Variants in ZDHHC21 observed in about 807,000 individuals in gnomAD.
The protein encoded by ZDHHC21 is zDHHC palmitoyltransferase 21.
Under a neutral mutation model 34.6 loss-of-function variants are expected in ZDHHC21, and 15 were observed. The observed-to-expected ratio is 0.43, with a 90% CI of 0.29 to 0.67. ZDHHC21 has a LOEUF of 0.67. Among genes scored for constraint, ZDHHC21 ranks in the 30% least tolerant of loss-of-function variants. The pLI, the probability that ZDHHC21 is intolerant of heterozygous loss-of-function variation, is 0.14. For missense variants in ZDHHC21, 344 were observed against 327.7 expected, an observed-to-expected ratio of 1.05 and a Z score of -0.38; for synonymous variants, 142 against 101.8, an observed-to-expected ratio of 1.40 and a Z score of -2.38.
At chr9:14,668,534 G>A (rs10810208) in intron 5 of ZDHHC21, among the ~76,000 whole-genome samples, 21,614 of 141,492 alleles carry the variant, frequency 0.15, 1,684 homozygotes, top group South Asian at 0.32. Flanking sequence ...AAAAGAGCCC[G>A]CATTGCCAAG....
chr9:14,648,833 T>C (rs543211392), intron 7 of ZDHHC21, among the ~76,000 whole-genome samples: 5 of 152,234 alleles, frequency 3.3e-5, no homozygotes, highest in Non-Finnish European at 5.9e-5. Flanking sequence ...ATTTTATATA[T>C]AAAATGACAA....
chr9:14,676,083 G>A (rs1836318979), intron 3 of ZDHHC21, among the ~76,000 whole-genome samples: 1 of 151,998 alleles, frequency 6.6e-6, no homozygotes, highest in South Asian at 2.1e-4. Context: ...TGAAGCAGGG[G>A]ATTAACATGA....
chr9:14,660,492 G>A lies in ZDHHC21; in HGVS notation c.366-1605C>T, dbSNP rs553746735. Among the ~76,000 whole-genome samples the A allele has an allele frequency of 3.3e-5, 5 of 151,086 alleles. No individual in the cohort carries two copies. The South Asian group carries it at 6.4e-4, about 19-fold the overall frequency. ...TAGGCAGTTAAGTAGTGCAATTTCT[G>A]AAAACATCAAAAATTTTCCTTGCTT... On this transcript the variant is annotated intron_variant, in intron 6 of 9. Coordinates refer to ENST00000380916, the MANE Select transcript of ZDHHC21 (RefSeq NM_178566.6).
chr9:14,648,943 T>TC (rs1441138001), intron 7 of ZDHHC21, among the ~76,000 whole-genome samples: 10 of 151,806 alleles, frequency 6.6e-5, no homozygotes. Flanking sequence ...GTAAAAATTT[T>TC]TTTTTTCTTT....
In ZDHHC21 at chr9:14,687,157, T is replaced by C. The variant is rs755249662; in HGVS notation, c.-176+3180A>G. On this transcript the variant is annotated intron_variant, in intron 2 of 9. Transcript: ENST00000380916. ...GTGGCTTCCTAATGTTTCAGCAAAA[T>C]AGTAGTTTCTGTCAGTAACGTTAGT... Among the ~76,000 whole-genome samples, 14 of 150,642 alleles carry C rather than the reference T, an allele frequency of 9.3e-5. 1 individual carries two copies. Among genetic ancestry groups the C allele is most frequent in the Non-Finnish European group, 1.5e-4 (10 of 68,022 alleles).
At chr9:14,619,749 TATC>T (rs1166072837) in intron 8 of ZDHHC21, 67 bp from the exon 9 acceptor site, 36 of 936,856 alleles carry the variant, frequency 3.8e-5, no homozygotes, top group Non-Finnish European at 5.1e-5. Context: ...GTATCCACTC[TATC>T]ATGTTTTTAA....
At chr9:14,655,338 T>C (rs1156341524) in intron 7 of ZDHHC21, among the ~76,000 whole-genome samples, 1 of 151,920 alleles carries the variant, frequency 6.6e-6, no homozygotes, top group Admixed American at 6.6e-5. Context: ...CCAAGAGACT[T>C]GCACTAAAAG....
chr9:14,664,413 G>A (rs1208861374), intron 5 of ZDHHC21, among the ~76,000 whole-genome samples: 2 of 150,510 alleles, frequency 1.3e-5, no homozygotes, highest in African/African-American at 2.4e-5. Flanking sequence ...AAACTGCAAG[G>A]CGGCAGCCAG....
At chr9:14,672,684 G>C (rs1250447815) in intron 5 of ZDHHC21, 146 bp downstream of exon 5, 3 of 540,766 alleles carry the variant, frequency 5.5e-6, no homozygotes, top group Non-Finnish European at 6.2e-6. Flanking sequence ...TTTAAGTAGA[G>C]AAGTTTGGAA....
Position 14,652,328 on chromosome 9 carries a change from T to G in ZDHHC21, c.504+6421A>C, listed in dbSNP as rs145365789. On this transcript the variant is annotated intron_variant, in intron 7 of 9. Coordinates refer to ENST00000380916, the MANE Select transcript of ZDHHC21 (RefSeq NM_178566.6). ...GACTCAGAATATAAATCAATATCTA[T>G]AGCTTAAAAAATAAATCCTAAATTT... Among the ~76,000 whole-genome samples the G allele has an allele frequency of 5.8e-3, 876 of 152,024 alleles. 13 individuals carry two copies. Among genetic ancestry groups the G allele is most frequent in the African/African-American group, 0.02 (812 of 41,518 alleles).
chr9:14,609,819 A>C (rs1232782832), downstream of ZDHHC21, among the ~76,000 whole-genome samples: 1 of 152,110 alleles, frequency 6.6e-6, no homozygotes, highest in African/African-American at 2.4e-5. Flanking sequence ...CTTGAGTTTT[A>C]GTGTAGTACC....
chr9:14,636,222 A>G (rs975534100), intron 8 of ZDHHC21, among the ~76,000 whole-genome samples: 1 of 152,244 alleles, frequency 6.6e-6, no homozygotes, highest in Admixed American at 6.5e-5. Context: ...AGACAGAAAA[A>G]GATATTCCAA....
intron 7 of ZDHHC21, among the ~76,000 whole-genome samples, chr9:14,642,443 G>C (rs1414001924): frequency 6.6e-6 from 1 of 152,106 alleles, no homozygotes; most frequent in Non-Finnish European, 1.5e-5. Context: ...CATAATCAGT[G>C]TTATGGGCTC....
At chr9:14,624,973 G>A (rs1825957898) in intron 8 of ZDHHC21, among the ~76,000 whole-genome samples, 1 of 151,952 alleles carries the variant, frequency 6.6e-6, no homozygotes, top group Non-Finnish European at 1.5e-5. Context: ...ACTCAGGCAA[G>A]TTTTTCACAA....
At chr9:14,659,851 G>A (rs954376773) in intron 6 of ZDHHC21, among the ~76,000 whole-genome samples, 1 of 152,048 alleles carries the variant, frequency 6.6e-6, no homozygotes, top group African/African-American at 2.4e-5. Context: ...TTGCAAGCAG[G>A]ATTATAAGAG....
At position 14,615,386 on chromosome 9, in the gene ZDHHC21, C is replaced by T. The variant is rs960217377; in HGVS notation, c.*3580G>A. 1.3e-5 allele frequency: 2 copies of T among 151,666 alleles called. No homozygotes were observed. The highest frequency in any genetic ancestry group is 6.6e-5 in the Admixed American group (1 of 15,200). The allele number at this position is 151,666 out of a possible 1,614,324, so 9.4% of individuals were successfully genotyped here. ...GTTAATCCTGGCAGATGTTTTAACT[C>T]AGCTGTTATACTGAACATTACGTAT... On this transcript the variant is annotated 3_prime_UTR_variant, in exon 10 of 10. Coordinates refer to ENST00000380916, the MANE Select transcript of ZDHHC21 (RefSeq NM_178566.6).
At chr9:14,644,953 T>G (rs546979407) in intron 7 of ZDHHC21, among the ~76,000 whole-genome samples, 2 of 151,700 alleles carry the variant, frequency 1.3e-5, no homozygotes, top group African/African-American at 4.8e-5. Context: ...CAGAGCAAGG[T>G]AGGAAAGTCG....
the ZDHHC21 span, among the ~76,000 whole-genome samples, chr9:14,603,654 G>C: frequency 6.6e-6 from 1 of 151,962 alleles, no homozygotes; most frequent in African/African-American, 2.4e-5. Flanking sequence ...ATCTTGATTT[G>C]CTAGATAAAT....
intron 1 of ZDHHC21, among the ~76,000 whole-genome samples, chr9:14,692,183 ATC>A (rs556419897): frequency 1.1e-3 from 162 of 152,328 alleles, no homozygotes; most frequent in African/African-American, 3.9e-3. Flanking sequence ...AATAAGTAAA[ATC>A]TAAAGAGTTG....
Sources: gnomAD v4.1 joint callset for allele counts (sites outside exome capture counted in the v4.1 genomes callset) on GRCh38, gnomAD v4.1.1 for gene constraint, MANE v1.5 for transcripts, NCBI Gene and HGNC (gene_info 2026-07-23, HGNC 2026-07-21) for gene names.